CD226: variants seen among roughly 807,000 people sequenced by gnomAD.
The protein encoded by CD226 is CD226 molecule, also known as CD226 antigen.
CD226 carries 24 observed loss-of-function variants against 34.9 expected under a neutral mutation model. The observed-to-expected ratio is 0.69, with a 90% CI of 0.50 to 0.97. The LOEUF (loss-of-function observed/expected upper bound fraction) is 0.97. Among genes scored for constraint, CD226 ranks in the 50% least tolerant of loss-of-function variants. The pLI is 0.00. For missense variants in CD226, 397 were observed against 412.7 expected (o/e 0.96, Z 0.33); for synonymous variants, 148 against 147.4 (o/e 1.00, Z -0.03).
intron 2 of CD226, among the ~76,000 whole-genome samples, chr18:69,909,183 T>C (rs1458508484): frequency 6.6e-6 from 1 of 152,192 alleles, no homozygotes; most frequent in Non-Finnish European, 1.5e-5. Flanking sequence ...CTTAGCAAAA[T>C]GCCAGGCACA....
chr18:69,935,831 T>A (rs1440521175), intron 2 of CD226, among the ~76,000 whole-genome samples: 1 of 152,192 alleles, frequency 6.6e-6, no homozygotes, highest in Non-Finnish European at 1.5e-5. Context: ...ACAATCATCT[T>A]GAAAATATAA....
At position 69,861,538 on chromosome 18, in the gene CD226, A is replaced by ATG. The variant is rs1335255828; in HGVS notation, c.*2774_*2775dup. Reference sequence around the variant, plus strand: ...TGTATTATCCATCGATATAAATTATATGTGTATATATATATGTATATATAT... The same window carrying ATG: ...TGTATTATCCATCGATATAAATTATATGTGTGTATATATATATGTATATATAT... On this transcript the variant is annotated 3_prime_UTR_variant, in exon 6 of 6. Coordinates refer to ENST00000582621, the MANE Select transcript of CD226 (RefSeq NM_001303618.2). 1 of 105,128 alleles carries ATG rather than the reference A, an allele frequency of 9.5e-6. No homozygotes were observed. The highest frequency in any genetic ancestry group is 2.0e-5 in the Non-Finnish European group (1 of 51,260). 6.5% of individuals were successfully genotyped at this position (105,128 alleles called of 1,614,324 possible). A position where few individuals can be genotyped will look rare whatever the true frequency, so the allele number is the denominator to read the frequency against.
At chr18:69,946,268 GAA>G (rs1293963409) in intron 2 of CD226, among the ~76,000 whole-genome samples, 1 of 144,636 alleles carries the variant, frequency 6.9e-6, no homozygotes. Context: ...GAGAGAGAGA[GAA>G]AGAAAGAAAG....
upstream of CD226, among the ~76,000 whole-genome samples, chr18:69,961,035 A>G (rs952616303): frequency 6.6e-6 from 1 of 152,268 alleles, no homozygotes; most frequent in African/African-American, 2.4e-5. Context: ...TGATCCACCT[A>G]GAGAACATGG....
chr18:69,874,330 G>A (rs1454879451), intron 3 of CD226, among the ~76,000 whole-genome samples: 1 of 152,136 alleles, frequency 6.6e-6, no homozygotes, highest in Non-Finnish European at 1.5e-5. Context: ...ACATCCTCCT[G>A]CCCACAACAC....
At chr18:69,953,666 CTG>C (rs766796725) in intron 1 of CD226, among the ~76,000 whole-genome samples, 96 of 152,302 alleles carry the variant, frequency 6.3e-4, no homozygotes, top group Non-Finnish European at 1.2e-3. Context: ...TCACAGAACA[CTG>C]TGGATGTACT....
At chr18:69,942,643 G>A (rs1423960428) in intron 2 of CD226, among the ~76,000 whole-genome samples, 1 of 152,132 alleles carries the variant, frequency 6.6e-6, no homozygotes, top group East Asian at 1.9e-4. Flanking sequence ...ATCATAAGCT[G>A]AGCCCCTTTG....
In CD226 at chr18:69,862,696, C is replaced by T. The variant is rs1281660295; in HGVS notation, c.*1618G>A. The T allele has an allele frequency of 6.6e-6, 1 of 151,134 alleles. No individual in the cohort carries two copies. Among genetic ancestry groups the T allele is most frequent in the Non-Finnish European group, 1.5e-5 (1 of 67,770 alleles). The allele number at this position is 151,134 out of a possible 1,614,324, so 9.4% of individuals were successfully genotyped here. On this transcript the variant is annotated 3_prime_UTR_variant, in exon 6 of 6. Transcript: ENST00000582621. ...TTCACAAAACAAGTGCATTATTTGG[C>T]ATACATGGTGTTTAAGGCTAAAATC...
rs113034942 is a variant in CD226 at position 69,947,744 on chromosome 18, C to CA, written c.-339dup. On this transcript the variant is annotated 5_prime_UTR_variant, in exon 1 of 6. The change creates a premature stop within an existing upstream ORF in the 5' untranslated region. Transcript: ENST00000582621. ...TGTAGGCAATGAGGATACAATAATA[C>CA]AAAAAAAAAAAAATATTGCCATGAT... 6,514 of 148,098 alleles carry CA rather than the reference C, an allele frequency of 0.044. 246 individuals carry two copies. The highest frequency in any genetic ancestry group is 0.12 in the African/African-American group (4,250 of 36,442). 9.2% of individuals were successfully genotyped at this position (148,098 alleles called of 1,614,324 possible). A position where few individuals can be genotyped will look rare whatever the true frequency, so the allele number is the denominator to read the frequency against.
intron 3 of CD226, among the ~76,000 whole-genome samples, chr18:69,881,330 A>C (rs1984248451): frequency 6.6e-6 from 1 of 152,214 alleles, no homozygotes; most frequent in African/African-American, 2.4e-5. Context: ...CTTCTATATA[A>C]TGTAAACAAA....
chr18:69,874,290 T>TG (rs1983729179), intron 3 of CD226, among the ~76,000 whole-genome samples: 1 of 152,202 alleles, frequency 6.6e-6, no homozygotes, highest in Admixed American at 6.5e-5. Context: ...GTGAGCCCAG[T>TG]GAGGTCAGAG....
chr18:69,878,198 A>T (rs908631954), intron 3 of CD226, among the ~76,000 whole-genome samples: 5 of 152,228 alleles, frequency 3.3e-5, no homozygotes, highest in Admixed American at 2.0e-4. Context: ...AATTGTTTCC[A>T]GAAGCCATTT....
At chr18:69,868,227 T>C (rs1294022195) in intron 4 of CD226, among the ~76,000 whole-genome samples, 2 of 152,226 alleles carry the variant, frequency 1.3e-5, no homozygotes, top group African/African-American at 4.8e-5. Context: ...ATAGTTATTA[T>C]AGGGAGATGG....
rs1242697104 is a variant in CD226 at position 69,853,944 on chromosome 18, C to T, written c.*10370G>A. 1 of 152,066 alleles carries T rather than the reference C, an allele frequency of 6.6e-6. No homozygotes were observed. The highest frequency in any genetic ancestry group is 2.4e-5 in the African/African-American group (1 of 41,386). 9.4% of individuals were successfully genotyped at this position (152,066 alleles called of 1,614,324 possible). A position where few individuals can be genotyped will look rare whatever the true frequency, so the allele number is the denominator to read the frequency against. On this transcript the variant is annotated 3_prime_UTR_variant, in exon 6 of 6. Coordinates refer to ENST00000582621, the MANE Select transcript of CD226 (RefSeq NM_001303618.2). ...TTTATAAAGATGAGCCAAAGAGCAG[C>T]CTAGACGAGAGCAAGTCATATGGAA...
chr18:69,857,030 A>T lies in CD226; in HGVS notation c.*7284T>A, dbSNP rs940162215. ...AAAAATACAAAAAAATTAGCTGGGC[A>T]TGGTGGTGGGCGCCTGAAGTCCCAG... On this transcript the variant is annotated 3_prime_UTR_variant, in exon 6 of 6. Transcript: ENST00000582621. The T allele has an allele frequency of 2.0e-5, 3 of 152,154 alleles. No individual in the cohort carries two copies. Among genetic ancestry groups the T allele is most frequent in the Non-Finnish European group, 4.4e-5 (3 of 68,036 alleles). 9.4% of individuals were successfully genotyped at this position (152,154 alleles called of 1,614,324 possible).
chr18:69,928,982 G>A (rs1489038569), intron 2 of CD226, among the ~76,000 whole-genome samples: 1 of 152,234 alleles, frequency 6.6e-6, no homozygotes, highest in East Asian at 1.9e-4. Context: ...AACAGCACTT[G>A]TAAGAATCAA....
rs866744166 is a variant in CD226 at position 69,861,066 on chromosome 18, A to G, written c.*3248T>C. 6.6e-6 allele frequency: 1 copy of G among 151,976 alleles called. No individual in the cohort carries two copies. Among genetic ancestry groups the G allele is most frequent in the African/African-American group, 2.4e-5 (1 of 41,408 alleles). The allele number at this position is 151,976 out of a possible 1,614,324, so 9.4% of individuals were successfully genotyped here. On this transcript the variant is annotated 3_prime_UTR_variant, in exon 6 of 6. Transcript: ENST00000582621. Reference sequence around the variant, plus strand: ...ATGCCATTCTATACAAACCAATATAACTTGGATGTTCACAATCCACGAATG... The same window carrying G: ...ATGCCATTCTATACAAACCAATATAGCTTGGATGTTCACAATCCACGAATG...
chr18:69,855,899 A>G lies in CD226; in HGVS notation c.*8415T>C, dbSNP rs1174800868. The G allele has an allele frequency of 1.3e-5, 2 of 152,192 alleles. No individual in the cohort carries two copies. The highest frequency in any genetic ancestry group is 2.4e-5 in the African/African-American group (1 of 41,458). 9.4% of individuals were successfully genotyped at this position (152,192 alleles called of 1,614,324 possible). A position where few individuals can be genotyped will look rare whatever the true frequency, so the allele number is the denominator to read the frequency against. On this transcript the variant is annotated 3_prime_UTR_variant, in exon 6 of 6. Coordinates refer to ENST00000582621, the MANE Select transcript of CD226 (RefSeq NM_001303618.2). ...ACAAAAAAGATGAATGTTAGAGGTG[A>G]CAGATATCACGATTACCCAATATGA...
Position 69,863,228 on chromosome 18 carries a change from C to T in CD226, c.*1086G>A, listed in dbSNP as rs544719614. 2.0e-5 allele frequency: 3 copies of T among 152,120 alleles called. No individual in the cohort carries two copies. The highest frequency in any genetic ancestry group is 4.4e-5 in the Non-Finnish European group (3 of 68,020). The allele number at this position is 152,120 out of a possible 1,614,324, so 9.4% of individuals were successfully genotyped here. A position where few individuals can be genotyped will look rare whatever the true frequency, so the allele number is the denominator to read the frequency against. ...GTCCTATGCCACCACTTTCAACTGT[C>T]ACTTTTAGTGGTATATTATATTCAA... On this transcript the variant is annotated 3_prime_UTR_variant, in exon 6 of 6. Coordinates refer to ENST00000582621, the MANE Select transcript of CD226 (RefSeq NM_001303618.2).
Sources: gnomAD v4.1 joint callset for allele counts (sites outside exome capture counted in the v4.1 genomes callset) on GRCh38, gnomAD v4.1.1 for gene constraint, MANE v1.5 for transcripts, NCBI Gene and HGNC (gene_info 2026-07-23, HGNC 2026-07-21) for gene names.